Variants in RRP12 observed in about 807,000 individuals in gnomAD.
RRP12 encodes RRP12-like protein.
In RRP12, 78 loss-of-function variants were observed where a neutral mutation model predicts 157.3. That is an observed-to-expected ratio of 0.50 (90% CI 0.41 to 0.60). RRP12 has a LOEUF of 0.60. RRP12 is among the 20% of genes least tolerant of loss of function. RRP12 has a pLI of 0.00. For missense variants in RRP12, 1,521 were observed against 1,679.9 expected (o/e 0.91, Z 1.65); for synonymous variants, 726 against 670.9 (o/e 1.08, Z -1.27).
At chr10:97,377,317 G>A (rs994405529) in intron 15 of RRP12, among the ~76,000 whole-genome samples, 2 of 149,372 alleles carry the variant, frequency 1.3e-5, no homozygotes, top group Non-Finnish European at 3.0e-5. Context: ...AGGTGTTTGA[G>A]ACCAGCCTGG....
At chr10:97,398,018 T>C (rs1206127525) in intron 2 of RRP12, among the ~76,000 whole-genome samples, 2 of 72,870 alleles carry the variant, frequency 2.7e-5, no homozygotes, top group African/African-American at 4.6e-5. Context: ...TATATATATA[T>C]ATATGTATAT....
chr10:97,394,081 G>A lies in RRP12; in HGVS notation c.454-321C>T, dbSNP rs528780008. 1.2e-4 allele frequency among the ~76,000 whole-genome samples: 19 copies of A among 152,276 alleles called. No individual in the cohort carries two copies. In the East Asian group the frequency reaches 2.7e-3, roughly 22 times the overall value. On this transcript the variant is annotated intron_variant, in intron 3 of 33. Coordinates refer to ENST00000370992, the MANE Select transcript of RRP12 (RefSeq NM_015179.4). ...TATGTGGCTGGGCGTGGTGGCTCAC[G>A]CCTGTAATCCCAGCACTTTGGGAGG...
At chr10:97,360,681 C>A in intron 30 of RRP12, 63 bp from the exon 31 acceptor site, 1 of 1,212,006 alleles carries the variant, frequency 8.3e-7, no homozygotes, top group Non-Finnish European at 1.2e-6. Flanking sequence ...TCGGGAATGC[C>A]AACAGTAACA....
chr10:97,370,457 T>A lies in RRP12; in HGVS notation c.2687A>T (p.Glu896Val). 1 of 1,597,552 alleles carries A rather than the reference T, an allele frequency of 6.3e-7. No individual in the cohort carries two copies. The highest frequency in any genetic ancestry group is 8.5e-7 in the Non-Finnish European group (1 of 1,172,600). Reference sequence around the variant, plus strand: ...ACCCCCAGCCCCCTGGGCCTCACCTTCCTGGTTCGAGCCAAACCTTAGGAA... The same window carrying A: ...ACCCCCAGCCCCCTGGGCCTCACCTACCTGGTTCGAGCCAAACCTTAGGAA... ...HAFLRFGSNQ[E>V]EALQCYLVLI... The change falls in exon 23 of 34, where the codon GAA (glutamate) becomes GTA (valine). Residue 896 changes from glutamate to valine, a missense_variant and splice_region_variant. By Grantham distance (121) the Glu-to-Val change is moderately radical (BLOSUM62 -2). Transcript: ENST00000370992.
intron 2 of RRP12, among the ~76,000 whole-genome samples, chr10:97,398,682 T>C (rs1455734774): frequency 2.0e-5 from 3 of 152,058 alleles, no homozygotes; most frequent in Non-Finnish European, 4.4e-5. Flanking sequence ...CTACTCATAA[T>C]TTAAAATATT....
At chr10:97,381,250 T>C (rs1441385293) in intron 12 of RRP12, 136 bp downstream of exon 12, 1 of 679,392 alleles carries the variant, frequency 1.5e-6, no homozygotes, top group African/African-American at 1.8e-5. Flanking sequence ...AGATGTTCAG[T>C]AAGCAGCCTG....
At chr10:97,370,882 C>T (rs1844129346) in intron 21 of RRP12, 41 bp downstream of exon 21, 2 of 1,611,758 alleles carry the variant, frequency 1.2e-6, no homozygotes, top group African/African-American at 1.3e-5. Context: ...CTGGTGTTGC[C>T]CAGGCTCCCT....
chr10:97,396,370 T>C (rs1319014395), intron 2 of RRP12, 69 bp from the exon 3 acceptor site: 20 of 1,212,178 alleles, frequency 1.6e-5, no homozygotes, highest in Non-Finnish European at 2.1e-5. Flanking sequence ...CCTCCTTTCC[T>C]TGCTCCTTCA....
rs781341118 is a variant in RRP12 at position 97,388,620 on chromosome 10, C to T, written c.758G>A (p.Arg253Gln). The change falls in exon 7 of 34, where the codon CGG becomes CAG. Residue 253 changes from arginine (R) to glutamine (Q), a missense_variant. By Grantham distance (43) the Arg-to-Gln change is conservative. Coordinates refer to ENST00000370992, the MANE Select transcript of RRP12 (RefSeq NM_015179.4). ...GCATACTCCATGCTGGGCAGCCTTC[C>T]GGATCTGAGGGGCAAGGAGAGCAGG... The part of the protein sequence containing the change: ...SFTVHPKPKI[R>Q]KAAQHGVCSV... 1.2e-5 allele frequency: 19 copies of T among 1,613,888 alleles called. No individual in the cohort carries two copies. Among genetic ancestry groups the T allele is most frequent in the Non-Finnish European group, 1.5e-5 (18 of 1,179,820 alleles).
chr10:97,379,148 G>C (rs1377424609), intron 15 of RRP12, 145 bp downstream of exon 15: 1 of 977,922 alleles, frequency 1.0e-6, no homozygotes, highest in Admixed American at 2.0e-5. Context: ...CTCCAGCACT[G>C]GCTGGCCACC....
intron 4 of RRP12, among the ~76,000 whole-genome samples, chr10:97,391,458 C>T (rs943604318): frequency 7.2e-5 from 11 of 152,062 alleles, no homozygotes; most frequent in Non-Finnish European, 1.5e-5. Flanking sequence ...GTAATCCCAG[C>T]TACTTGGGAG....
At chr10:97,366,310 G>A (rs1329095729) in intron 28 of RRP12, 77 bp from the exon 29 acceptor site, 20 of 1,581,056 alleles carry the variant, frequency 1.3e-5, no homozygotes, top group East Asian at 4.5e-5. Flanking sequence ...CAACAAGCCC[G>A]GCTCAGGGAT....
At chr10:97,385,280 G>A in intron 9 of RRP12, 23 bp from the exon 10 acceptor site, 1 of 1,574,856 alleles carries the variant, frequency 6.3e-7, no homozygotes, top group Non-Finnish European at 8.7e-7. Flanking sequence ...ATAAGCAGGT[G>A]ACTGAGCATG....
At position 97,387,307 on chromosome 10, in the gene RRP12, TCTTTTTCTTTC is replaced by T. The variant is rs575951049; in HGVS notation, c.1017+934_1017+944del. 3.9e-5 allele frequency among the ~76,000 whole-genome samples: 6 copies of T among 151,946 alleles called. No individual in the cohort carries two copies. The South Asian group carries it at 1.0e-3, about 26-fold the overall frequency. Reference sequence around the variant, plus strand: ...TTTCTTTTTCCTGAATATTTTCTTTTCTTTTTCTTTCCTTTTTTTTCTTTTTCCTTTTTTTT... The same window carrying T: ...TTTCTTTTTCCTGAATATTTTCTTTTCTTTTTTTTCTTTTTCCTTTTTTTT... On this transcript the variant is annotated intron_variant, in intron 8 of 33. Coordinates refer to ENST00000370992, the MANE Select transcript of RRP12 (RefSeq NM_015179.4).
chr10:97,388,212 T>C, intron 8 of RRP12, 40 bp downstream of exon 8: 1 of 1,612,384 alleles, frequency 6.2e-7, no homozygotes, highest in Non-Finnish European at 8.5e-7. Context: ...ATGCCACCAC[T>C]GCAGGTCCCC....
chr10:97,389,560 A>C (rs1844742723), intron 6 of RRP12, among the ~76,000 whole-genome samples: 1 of 151,978 alleles, frequency 6.6e-6, no homozygotes, highest in Non-Finnish European at 1.5e-5. Context: ...CATGACTGTT[A>C]TTGTTACCAC....
At chr10:97,371,356 G>A (rs754229289) in intron 20 of RRP12, 39 of 496,476 alleles carry the variant, frequency 7.9e-5, no homozygotes, top group Non-Finnish European at 1.1e-4. Flanking sequence ...TGCCTGGCAC[G>A]CGCCAAGGCC....
At position 97,370,562 on chromosome 10, in the gene RRP12, T is replaced by C. The variant is rs766881093; in HGVS notation, c.2584-2A>G. 1.2e-6 allele frequency: 2 copies of C among 1,608,618 alleles called. No individual in the cohort carries two copies. The highest frequency in any genetic ancestry group is 2.7e-5 in the African/African-American group (2 of 74,338). On this transcript the variant is annotated splice_acceptor_variant, in intron 22 of 33. Transcript: ENST00000370992. LOFTEE classifies it high-confidence loss of function. The stretch of plus-strand genomic sequence containing the variant: ...CACCTCCTTGGTGCACAGGATCACC[T>C]GGCCAAGACAACTCCATCAGCATCT...
chr10:97,391,310 G>A (rs1207771714), intron 4 of RRP12, among the ~76,000 whole-genome samples: 8 of 151,626 alleles, frequency 5.3e-5, no homozygotes, highest in South Asian at 2.1e-4. Context: ...GGTGGCTCAC[G>A]CCTGTAATCC....
Sources: gnomAD v4.1 joint callset for allele counts (sites outside exome capture counted in the v4.1 genomes callset) on GRCh38, gnomAD v4.1.1 for gene constraint, MANE v1.5 for transcripts, NCBI Gene and HGNC (gene_info 2026-07-23, HGNC 2026-07-21) for gene names.